The following SPIDR variants were observed in gnomAD, a reference collection of about 807,000 sequenced individuals.
The protein encoded by SPIDR is scaffold protein involved in DNA repair.
SPIDR carries 93 observed loss-of-function variants against 104.6 expected under a neutral mutation model. The ratio of observed to expected loss-of-function variants is 0.89; its 90% confidence interval spans 0.75 to 1.06. The LOEUF (loss-of-function observed/expected upper bound fraction) is 1.06. Among genes scored for constraint, SPIDR ranks in the 50% least tolerant of loss-of-function variants. The pLI is 0.00. For missense variants in SPIDR, 1,154 were observed against 1,111.2 expected (o/e 1.04, Z -0.55); for synonymous variants, 431 against 416.9 (o/e 1.03, Z -0.41).
intron 3 of SPIDR, among the ~76,000 whole-genome samples, chr8:47,290,382 G>C (rs2154237305): frequency 6.6e-6 from 1 of 152,264 alleles, no homozygotes; most frequent in East Asian, 1.9e-4. Flanking sequence ...GGTAATAAAG[G>C]CATCCTGTGG....
intron 5 of SPIDR, among the ~76,000 whole-genome samples, chr8:47,319,964 T>G (rs372928536): frequency 1.3e-5 from 2 of 151,150 alleles, no homozygotes; most frequent in East Asian, 4.0e-4. Context: ...AGAGGGAAAT[T>G]TATAGCACTA....
At chr8:47,426,931 C>T (rs2066505471) in intron 7 of SPIDR, among the ~76,000 whole-genome samples, 1 of 152,168 alleles carries the variant, frequency 6.6e-6, no homozygotes, top group Admixed American at 6.5e-5. Context: ...TAGCAATAAT[C>T]TGTAACTTTC....
At chr8:47,536,295 C>G (rs1200897005) in intron 8 of SPIDR, among the ~76,000 whole-genome samples, 2 of 152,018 alleles carry the variant, frequency 1.3e-5, no homozygotes, top group Admixed American at 6.6e-5. Context: ...CAAACTGATT[C>G]TAAAGTTTCT....
intron 10 of SPIDR, chr8:47,654,059 G>A: frequency 7.8e-7 from 1 of 1,289,654 alleles, no homozygotes; most frequent in Non-Finnish European, 1.0e-6. Context: ...TAGGGGCGTG[G>A]TAGCAGCATC....
intron 8 of SPIDR, among the ~76,000 whole-genome samples, chr8:47,452,636 G>C (rs527868900): frequency 3.2e-4 from 48 of 152,270 alleles, no homozygotes; most frequent in African/African-American, 1.1e-3. Flanking sequence ...AATAGATGCA[G>C]AAAAGGCCTT....
At chr8:47,662,801 C>T (rs1010897288) in intron 10 of SPIDR, among the ~76,000 whole-genome samples, 1 of 152,136 alleles carries the variant, frequency 6.6e-6, no homozygotes, top group African/African-American at 2.4e-5. Flanking sequence ...GGGGGTGGGG[C>T]CTTTGGGATT....
chr8:47,286,409 G>T (rs2038858375), intron 3 of SPIDR, among the ~76,000 whole-genome samples: 3 of 152,084 alleles, frequency 2.0e-5, no homozygotes, highest in Admixed American at 2.0e-4. Flanking sequence ...AAACAGCATG[G>T]CCAAAATTAC....
intron 8 of SPIDR, among the ~76,000 whole-genome samples, chr8:47,462,247 C>T (rs1283484126): frequency 2.0e-5 from 3 of 152,176 alleles, no homozygotes; most frequent in African/African-American, 7.2e-5. Context: ...GTTGTCTGCA[C>T]AGAGTCCTGT....
At position 47,343,857 on chromosome 8, in the gene SPIDR, G is replaced by C. The variant is rs576983728; in HGVS notation, c.525+49827G>C. ...CTGGGTCCATCCAAGGTCACCTGGA[G>C]AATTGTCCTTCGGGGGGGAAAAGAA... is the stretch of plus-strand genomic sequence containing the variant. On this transcript the variant is annotated intron_variant, in intron 5 of 19. Coordinates refer to ENST00000297423, the MANE Select transcript of SPIDR (RefSeq NM_001080394.4). 3.3e-5 allele frequency among the ~76,000 whole-genome samples: 5 copies of C among 152,156 alleles called. No individual in the cohort carries two copies. The East Asian group carries it at 9.7e-4, about 29-fold the overall frequency.
chr8:47,675,740 G>A (rs555875375), intron 11 of SPIDR, among the ~76,000 whole-genome samples: 2 of 152,324 alleles, frequency 1.3e-5, no homozygotes, highest in East Asian at 1.9e-4. Context: ...TTGAAACCTC[G>A]AGGCAGAGGT....
At chr8:47,420,445 T>C (rs2065221723) in intron 7 of SPIDR, among the ~76,000 whole-genome samples, 1 of 152,158 alleles carries the variant, frequency 6.6e-6, no homozygotes, top group Non-Finnish European at 1.5e-5. Context: ...AACCCCTGCC[T>C]TTTTTTGTTT....
intron 7 of SPIDR, among the ~76,000 whole-genome samples, chr8:47,435,036 G>A: frequency 6.6e-6 from 1 of 151,856 alleles, no homozygotes; most frequent in Non-Finnish European, 1.5e-5. Flanking sequence ...TGACTAGGGA[G>A]GCCAGTTAGT....
At chr8:47,383,768 GAA>G (rs1423393322) in intron 5 of SPIDR, among the ~76,000 whole-genome samples, 1 of 152,150 alleles carries the variant, frequency 6.6e-6, no homozygotes, top group Non-Finnish European at 1.5e-5. Flanking sequence ...TTATGCTTTA[GAA>G]AATTATTTTT....
At chr8:47,268,916 C>T (rs2034659918) in intron 1 of SPIDR, among the ~76,000 whole-genome samples, 1 of 152,164 alleles carries the variant, frequency 6.6e-6, no homozygotes, top group South Asian at 2.1e-4. Context: ...CCAGTAATCC[C>T]AGCACTTTGG....
At chr8:47,635,146 G>A (rs745866532) in intron 10 of SPIDR, among the ~76,000 whole-genome samples, 1 of 151,774 alleles carries the variant, frequency 6.6e-6, no homozygotes, top group African/African-American at 2.4e-5. Context: ...GTGGGAGGCC[G>A]CCAACATGGT....
At chr8:47,727,607 G>A (rs974360511) in intron 17 of SPIDR, among the ~76,000 whole-genome samples, 1 of 152,186 alleles carries the variant, frequency 6.6e-6, no homozygotes, top group Non-Finnish European at 1.5e-5. Context: ...CTTGGTGACT[G>A]TATAGCCTAG....
At chr8:47,280,790 C>T (rs368662118) in intron 2 of SPIDR, among the ~76,000 whole-genome samples, 47 of 152,304 alleles carry the variant, frequency 3.1e-4, no homozygotes, top group African/African-American at 1.1e-3. Flanking sequence ...CTCCCACCTC[C>T]GCCTCCCAGA....
intron 5 of SPIDR, among the ~76,000 whole-genome samples, chr8:47,316,367 A>C (rs1350553321): frequency 2.0e-5 from 3 of 152,090 alleles, no homozygotes; most frequent in African/African-American, 7.2e-5. Context: ...TAGCAATTCT[A>C]CTCCTAGTTA....
intron 16 of SPIDR, among the ~76,000 whole-genome samples, chr8:47,718,421 T>C (rs1336954254): frequency 6.6e-6 from 1 of 152,192 alleles, no homozygotes; most frequent in African/African-American, 2.4e-5. Flanking sequence ...GGGATCAACG[T>C]TTCTGACTAA....
Sources: allele counts gnomAD v4.1 joint callset (sites outside exome capture counted in the v4.1 genomes callset), GRCh38; gene constraint gnomAD v4.1.1; transcripts MANE v1.5; gene names NCBI Gene and HGNC (gene_info 2026-07-23, HGNC 2026-07-21).